Variants in AKT3 observed in about 807,000 individuals in gnomAD.
AKT3 encodes the protein AKT serine/threonine kinase 3, also known as RAC-gamma serine/threonine-protein kinase.
AKT3 carries 15 observed loss-of-function variants against 65.3 expected under a neutral mutation model. The ratio of observed to expected loss-of-function variants is 0.23; its 90% CI spans 0.15 to 0.35. The LOEUF is 0.35. Among genes scored for constraint, AKT3 ranks in the 10% least tolerant of loss-of-function variants. The pLI, the probability that AKT3 is intolerant of heterozygous loss-of-function variation, is 1.00. For synonymous variants in AKT3, 206 were observed against 183.8 expected (o/e 1.12, Z -0.98); for missense variants, 243 against 576.5 (o/e 0.42, Z 5.92).
chr1:243,821,916 C>T (rs185477930), intron 2 of AKT3, among the ~76,000 whole-genome samples: 95 of 152,284 alleles, frequency 6.2e-4, no homozygotes, highest in African/African-American at 2.2e-3. Context: ...GAACTCAGCT[C>T]TGGATCAACT....
At chr1:243,546,392 A>G (rs1159161258) in intron 11 of AKT3, among the ~76,000 whole-genome samples, 1 of 144,812 alleles carries the variant, frequency 6.9e-6, no homozygotes, top group Admixed American at 6.8e-5. Flanking sequence ...TACTAAGCAT[A>G]AAAGAACTAA....
chr1:243,735,041 G>A (rs557514580), intron 2 of AKT3: 1 of 152,252 alleles, frequency 6.6e-6, no homozygotes, highest in South Asian at 2.1e-4. Flanking sequence ...TGTGCATGGG[G>A]CTGCCATCTC....
At position 243,645,848 on chromosome 1, in the gene AKT3, C is replaced by T. The variant is rs186233380; in HGVS notation, c.429+45G>A. The T allele has an allele frequency of 3.4e-5, 52 of 1,513,712 alleles. No homozygotes were observed. The Middle Eastern group carries it at 7.3e-4, about 21-fold the overall frequency. The allele number at this position is 1,513,712 out of a possible 1,614,324, so 93.8% of individuals were successfully genotyped here. A position where few individuals can be genotyped will look rare whatever the true frequency, so the allele number is the denominator to read the frequency against. ...AATGGTAGCTTTTAATATGTTTCTT[C>T]CAGACAAATGAATGCTGTGCTGGGA... On this transcript the variant is annotated intron_variant, in intron 5 of 13. Transcript: ENST00000673466.
intron 2 of AKT3, among the ~76,000 whole-genome samples, chr1:243,806,893 T>C (rs1692760932): frequency 6.6e-6 from 1 of 152,192 alleles, no homozygotes; most frequent in African/African-American, 2.4e-5. Context: ...GCATCTTTCC[T>C]TGCAAATATG....
At chr1:243,710,685 G>A (rs1686090795) in intron 2 of AKT3, among the ~76,000 whole-genome samples, 1 of 152,242 alleles carries the variant, frequency 6.6e-6, no homozygotes, top group Non-Finnish European at 1.5e-5. Flanking sequence ...ATCTGTATGG[G>A]AATTAATCAT....
chr1:243,611,017 G>C (rs999448776), intron 8 of AKT3, among the ~76,000 whole-genome samples: 3 of 152,162 alleles, frequency 2.0e-5, no homozygotes, highest in Non-Finnish European at 4.4e-5. Context: ...TGGTGCATCT[G>C]TACGTCTGTA....
intron 2 of AKT3, among the ~76,000 whole-genome samples, chr1:243,832,404 G>A (rs1694597760): frequency 6.6e-6 from 1 of 152,008 alleles, no homozygotes; most frequent in Non-Finnish European, 1.5e-5. Context: ...GAATCATGAA[G>A]CTTAAATAAA....
In AKT3 at chr1:243,619,282, C is replaced by T. The variant is rs116359454; in HGVS notation, c.562-4121G>A. Among the ~76,000 whole-genome samples, 773 of 152,242 alleles carry T rather than the reference C, an allele frequency of 5.1e-3. 9 individuals are homozygous for T. The highest frequency in any genetic ancestry group is 0.018 in the African/African-American group (734 of 41,544). On this transcript the variant is annotated intron_variant, in intron 6 of 13. Transcript: ENST00000673466. ...TCGGGGTACATGTGTTGTTTTGACACATTCCATATGTGTAATGACCAAATT... is the reference window on the plus strand; with the variant it reads ...TCGGGGTACATGTGTTGTTTTGACATATTCCATATGTGTAATGACCAAATT...
intron 8 of AKT3, among the ~76,000 whole-genome samples, chr1:243,601,811 G>A (rs1677025004): frequency 6.6e-6 from 1 of 152,018 alleles, no homozygotes; most frequent in African/African-American, 2.4e-5. Context: ...GAACACAAAA[G>A]CCTGTAAGTA....
intron 8 of AKT3, among the ~76,000 whole-genome samples, chr1:243,597,252 C>T (rs1010814736): frequency 2.2e-4 from 33 of 152,052 alleles, no homozygotes; most frequent in African/African-American, 7.0e-4. Flanking sequence ...ACAACCTAAA[C>T]GTTCAATGAT....
At chr1:243,653,843 A>G (rs951671645) in intron 4 of AKT3, among the ~76,000 whole-genome samples, 2 of 152,226 alleles carry the variant, frequency 1.3e-5, no homozygotes, top group Non-Finnish European at 2.9e-5. Flanking sequence ...TTGAAATGAT[A>G]TAATACGGCA....
rs1671266313 is a variant in AKT3 at position 243,527,936 on chromosome 1, C to CACACACACACAGAG, written c.1252-15511_1252-15510insCTCTGTGTGTGTGT. ...ACACACACACACACACACACACACACAGAGAGAGAGAGAGAGAGAGAGAAT... is the reference window on the plus strand; with the variant it reads ...ACACACACACACACACACACACACACACACACACACAGAGAGAGAGAGAGAGAGAGAGAGAGAAT... On this transcript the variant is annotated intron_variant, in intron 12 of 13. Transcript: ENST00000673466. 5.7e-4 allele frequency among the ~76,000 whole-genome samples: 22 copies of CACACACACACAGAG among 38,274 alleles called. 1 individual carries two copies. Among genetic ancestry groups the CACACACACACAGAG allele is most frequent in the African/African-American group, 1.5e-3 (20 of 12,974 alleles). 25.1% of individuals were successfully genotyped at this position (38,274 alleles called of 152,430 possible). A position where few individuals can be genotyped will look rare whatever the true frequency, so the allele number is the denominator to read the frequency against.
intron 2 of AKT3, chr1:243,740,660 G>A (rs561410374): frequency 6.6e-6 from 1 of 152,096 alleles, no homozygotes; most frequent in African/African-American, 2.4e-5. Context: ...AGCTACAATT[G>A]CAACAAAAAC....
At chr1:243,711,300 C>G (rs1350540204) in intron 2 of AKT3, among the ~76,000 whole-genome samples, 3 of 152,140 alleles carry the variant, frequency 2.0e-5, no homozygotes, top group African/African-American at 7.2e-5. Context: ...TGCACTCCAG[C>G]CTGGGTGACG....
chr1:243,710,008 A>G (rs1269527813), intron 2 of AKT3, among the ~76,000 whole-genome samples: 2 of 152,170 alleles, frequency 1.3e-5, no homozygotes, highest in African/African-American at 2.4e-5. Flanking sequence ...AAACACATTA[A>G]AAAATTTAAG....
At chr1:243,671,272 G>A (rs1683141975) in intron 3 of AKT3, among the ~76,000 whole-genome samples, 1 of 151,908 alleles carries the variant, frequency 6.6e-6, no homozygotes, top group Non-Finnish European at 1.5e-5. Context: ...TAGAGACGGG[G>A]TTTCACTGTG....
At chr1:243,616,707 T>G (rs1678354058) in intron 6 of AKT3, among the ~76,000 whole-genome samples, 1 of 152,190 alleles carries the variant, frequency 6.6e-6, no homozygotes, top group Non-Finnish European at 1.5e-5. Context: ...GTTATCTTTA[T>G]AAAAATATTT....
intron 2 of AKT3, among the ~76,000 whole-genome samples, chr1:243,724,843 G>T (rs1288785378): frequency 6.6e-6 from 1 of 152,062 alleles, no homozygotes; most frequent in East Asian, 1.9e-4. Flanking sequence ...AGGGAAAAAA[G>T]ATGAAGAAAA....
intron 11 of AKT3, among the ~76,000 whole-genome samples, chr1:243,552,013 G>T (rs1167360664): frequency 6.6e-6 from 1 of 152,020 alleles, no homozygotes; most frequent in African/African-American, 2.4e-5. Flanking sequence ...TTAGAGGCCG[G>T]GTGCGGTGGC....
Sources: gnomAD v4.1 joint callset for allele counts (sites outside exome capture counted in the v4.1 genomes callset) on GRCh38, gnomAD v4.1.1 for gene constraint, MANE v1.5 for transcripts, NCBI Gene and HGNC (gene_info 2026-07-23, HGNC 2026-07-21) for gene names.